GLIS3: variants seen among roughly 807,000 people sequenced by gnomAD.
GLIS3 encodes zinc finger protein GLIS3.
A neutral mutation model predicts 78.6 loss-of-function variants in GLIS3; 53 were observed. The ratio of observed to expected loss-of-function variants is 0.67; its 90% CI spans 0.54 to 0.85. GLIS3 has a LOEUF of 0.85. Among genes scored for constraint, GLIS3 ranks in the 40% least tolerant of loss-of-function variants. The probability of loss-of-function intolerance (pLI) is 0.00; values close to 1 mark genes in which losing one functional copy is unlikely to be tolerated. For missense variants in GLIS3, 1,703 were observed against 1,231.1 expected, an observed-to-expected ratio of 1.38 and a Z score of -5.74; for synonymous variants, 684 against 509.9, an observed-to-expected ratio of 1.34 and a Z score of -4.60.
chr9:4,227,358 G>C (rs529529467), intron 2 of GLIS3, among the ~76,000 whole-genome samples: 81 of 150,794 alleles, frequency 5.4e-4, no homozygotes, highest in African/African-American at 1.9e-3. Flanking sequence ...TGATAGCCTT[G>C]AAAGGAAAAT....
At chr9:3,828,460 C>G (rs57953443) in intron 10 of GLIS3, 52 bp from the exon 11 acceptor site, 1 of 1,607,488 alleles carries the variant, frequency 6.2e-7, no homozygotes. Flanking sequence ...CATGCCACGC[C>G]CACTGGAAAT....
intron 2 of GLIS3, among the ~76,000 whole-genome samples, chr9:4,238,704 A>G (rs1480539514): frequency 2.0e-5 from 3 of 152,218 alleles, no homozygotes; most frequent in Admixed American, 2.0e-4. Context: ...CTCATGAGTC[A>G]GACACCTTCT....
chr9:4,314,468 G>A (rs1817409938), intron 2 of GLIS3, among the ~76,000 whole-genome samples: 1 of 152,196 alleles, frequency 6.6e-6, no homozygotes, highest in African/African-American at 2.4e-5. Context: ...AAGTCAATAG[G>A]TAAATACTGC....
chr9:3,874,254 C>T (rs182738694), intron 8 of GLIS3, among the ~76,000 whole-genome samples: 1 of 152,284 alleles, frequency 6.6e-6, no homozygotes, highest in East Asian at 1.9e-4. Flanking sequence ...TCAATCACGC[C>T]TATGTAATGA....
At chr9:4,466,627 A>G in the GLIS3 span, among the ~76,000 whole-genome samples, 52,258 of 152,174 alleles carry the variant, frequency 0.34, 10,177 homozygotes, top group Middle Eastern at 0.49. Context: ...AGGTTGGTGT[A>G]TCAGGCAAAA....
In GLIS3 at chr9:4,113,068, T is replaced by C. The variant is rs184649879; in HGVS notation, c.1710+4700A>G. Reference sequence around the variant, plus strand: ...TATATAATATTGCCCGGTTTGTGTTTAAATATACATAAATTGTATTAATAC... The same window carrying C: ...TATATAATATTGCCCGGTTTGTGTTCAAATATACATAAATTGTATTAATAC... On this transcript the variant is annotated intron_variant, in intron 4 of 10. Coordinates refer to ENST00000381971, the MANE Select transcript of GLIS3 (RefSeq NM_001042413.2). Among the ~76,000 whole-genome samples, 154 of 152,212 alleles carry C rather than the reference T, an allele frequency of 1.0e-3. 1 individual carries two copies. The highest frequency in any genetic ancestry group is 1.7e-3 in the Non-Finnish European group (116 of 67,988).
the GLIS3 span, among the ~76,000 whole-genome samples, chr9:4,439,891 C>G: frequency 6.6e-6 from 1 of 152,166 alleles, no homozygotes; most frequent in Admixed American, 6.5e-5. Context: ...CCCTGTTGCC[C>G]AGGCTGGTCT....
chr9:3,853,329 G>A (rs1023833937), intron 9 of GLIS3, among the ~76,000 whole-genome samples: 1 of 152,142 alleles, frequency 6.6e-6, no homozygotes, highest in African/African-American at 2.4e-5. Flanking sequence ...AGAGGTAGGG[G>A]AAAATAATGG....
chr9:4,271,985 T>C (rs1458577390), intron 2 of GLIS3, among the ~76,000 whole-genome samples: 2 of 152,168 alleles, frequency 1.3e-5, no homozygotes, highest in Non-Finnish European at 2.9e-5. Context: ...AAAATTCTCA[T>C]TTGTGAGAAT....
intron 4 of GLIS3, among the ~76,000 whole-genome samples, chr9:4,073,213 G>C (rs1198093818): frequency 6.6e-6 from 1 of 152,150 alleles, no homozygotes; most frequent in Non-Finnish European, 1.5e-5. Context: ...CAATCTACAA[G>C]CATGATCGCT....
chr9:4,372,488 A>T, the GLIS3 span, among the ~76,000 whole-genome samples: 1 of 151,470 alleles, frequency 6.6e-6, no homozygotes, highest in East Asian at 1.9e-4. Flanking sequence ...CGATACTTCA[A>T]ATCACCTCCT....
intron 2 of GLIS3, among the ~76,000 whole-genome samples, chr9:4,170,715 G>A (rs751306217): frequency 5.3e-5 from 8 of 152,168 alleles, no homozygotes; most frequent in Non-Finnish European, 8.8e-5. Context: ...CGAAAGGCAA[G>A]GCTATCCATA....
chr9:4,435,545 T>C, the GLIS3 span, among the ~76,000 whole-genome samples: 1 of 152,172 alleles, frequency 6.6e-6, no homozygotes, highest in African/African-American at 2.4e-5. Flanking sequence ...GATGTTAATT[T>C]TGTACCATCC....
At chr9:4,394,334 T>A in the GLIS3 span, among the ~76,000 whole-genome samples, 1 of 151,668 alleles carries the variant, frequency 6.6e-6, no homozygotes, top group African/African-American at 2.4e-5. Context: ...TCTCATAATT[T>A]TAAAAAATTA....
chr9:4,381,451 G>A, the GLIS3 span, among the ~76,000 whole-genome samples: 5 of 152,208 alleles, frequency 3.3e-5, no homozygotes, highest in South Asian at 2.1e-4. Flanking sequence ...AGCACCAACC[G>A]GACGGACAAA....
intron 8 of GLIS3, among the ~76,000 whole-genome samples, chr9:3,867,286 A>C (rs1820649169): frequency 6.6e-6 from 1 of 152,212 alleles, no homozygotes; most frequent in Admixed American, 6.5e-5. Context: ...GGAGCCATTC[A>C]CAATCACTAG....
At chr9:3,880,037 G>A (rs948067910) in intron 7 of GLIS3, among the ~76,000 whole-genome samples, 2 of 152,112 alleles carry the variant, frequency 1.3e-5, no homozygotes, top group Non-Finnish European at 2.9e-5. Context: ...AGCCACGGTA[G>A]GTCAGCTGGG....
chr9:4,113,476 T>C (rs753657208), intron 4 of GLIS3, among the ~76,000 whole-genome samples: 4 of 152,120 alleles, frequency 2.6e-5, no homozygotes, highest in Non-Finnish European at 5.9e-5. Flanking sequence ...CACTTCTCCA[T>C]ACCCTTATTG....
the GLIS3 span, among the ~76,000 whole-genome samples, chr9:4,479,017 G>T: frequency 1.8e-4 from 28 of 152,222 alleles, no homozygotes; most frequent in Admixed American, 6.5e-4. Flanking sequence ...CCAGAATGTG[G>T]GGAATTTTGT....
Sources: gnomAD v4.1 joint callset for allele counts (sites outside exome capture counted in the v4.1 genomes callset) on GRCh38, gnomAD v4.1.1 for gene constraint, MANE v1.5 for transcripts, NCBI Gene and HGNC (gene_info 2026-07-23, HGNC 2026-07-21) for gene names.